ST3GAL3: variants seen among roughly 807,000 people sequenced by gnomAD.
The protein encoded by ST3GAL3 is ST3 beta-galactoside alpha-2,3-sialyltransferase 3, also known as CMP-N-acetylneuraminate-beta-1,4-galactoside alpha-2,3-sialyltransferase.
In ST3GAL3, 21 loss-of-function variants were observed where a neutral mutation model predicts 50.1. That is an observed-to-expected ratio of 0.42 (90% CI 0.30 to 0.60). ST3GAL3 has a LOEUF of 0.60. Ranked by LOEUF, ST3GAL3 falls within the 20% of genes least tolerant of loss-of-function variation. The pLI, the probability that ST3GAL3 is intolerant of heterozygous loss-of-function variation, is 0.19. For missense variants in ST3GAL3, 353 were observed against 489.4 expected (o/e 0.72, Z 2.63); for synonymous variants, 183 against 190.0 (o/e 0.96, Z 0.30).
At chr1:43,740,233 C>T (rs865896505) in intron 2 of ST3GAL3, among the ~76,000 whole-genome samples, 36 of 151,590 alleles carry the variant, frequency 2.4e-4, no homozygotes, top group Middle Eastern at 3.4e-3. Flanking sequence ...TGTGGTGGCG[C>T]GCCCCTGTAG....
chr1:43,710,565 C>T (rs996834531), intron 1 of ST3GAL3, among the ~76,000 whole-genome samples: 3 of 152,176 alleles, frequency 2.0e-5, no homozygotes, highest in Admixed American at 6.5e-5. Context: ...TTATCTGTTG[C>T]GTTAGGCACA....
rs567294317 is a variant in ST3GAL3, at chr1:43,778,745, ACGCCATTCTCCTGCCTCAG to A, written c.119-13355_119-13337del. ...ACTGCAAGCTCCGCCTCCCGGGTTC[ACGCCATTCTCCTGCCTCAG>A]CCTCCCGAGTAGCTGGGACTACAGG... is the stretch of plus-strand genomic sequence containing the variant. On this transcript the variant is annotated intron_variant, in intron 2 of 11. Transcript: ENST00000347631. Among the ~76,000 whole-genome samples, 1,367 of 143,094 alleles carry A rather than the reference ACGCCATTCTCCTGCCTCAG, an allele frequency of 9.6e-3. 25 individuals carry two copies. Among genetic ancestry groups the A allele is most frequent in the African/African-American group, 0.035 (1,331 of 38,308 alleles). 93.9% of individuals were successfully genotyped at this position (143,094 alleles called of 152,430 possible).
chr1:43,875,947 CTTCTTATTATTA>C (rs1460874548), intron 5 of ST3GAL3, among the ~76,000 whole-genome samples: 589 of 57,304 alleles, frequency 0.01, 1 homozygote, highest in South Asian at 0.018. Flanking sequence ...TCTTCTTCTT[CTTCTTATTATTA>C]TTATTATTAT....
intron 2 of ST3GAL3, among the ~76,000 whole-genome samples, chr1:43,752,535 C>T (rs963562711): frequency 6.6e-6 from 1 of 152,090 alleles, no homozygotes; most frequent in African/African-American, 2.4e-5. Context: ...GGGTCTCGCT[C>T]TGTGTCCCAG....
chr1:43,717,861 C>T (rs1218096392), intron 1 of ST3GAL3, among the ~76,000 whole-genome samples: 1 of 151,474 alleles, frequency 6.6e-6, no homozygotes, highest in Non-Finnish European at 1.5e-5. Context: ...AATAATTATA[C>T]CTATCATGAA....
chr1:43,714,659 G>A (rs994598799), intron 1 of ST3GAL3, among the ~76,000 whole-genome samples: 1 of 152,048 alleles, frequency 6.6e-6, no homozygotes, highest in African/African-American at 2.4e-5. Context: ...ATGGCATTTA[G>A]CTATTCCCAA....
chr1:43,923,779 A>C (rs983478472), intron 11 of ST3GAL3, among the ~76,000 whole-genome samples: 12 of 152,014 alleles, frequency 7.9e-5, no homozygotes, highest in African/African-American at 2.9e-4. Context: ...ACACCTGGCT[A>C]ATTTTTTTTA....
intron 5 of ST3GAL3, chr1:43,851,644 A>G (rs763408476): frequency 7.9e-6 from 10 of 1,271,582 alleles, no homozygotes; most frequent in Admixed American, 3.4e-5. Flanking sequence ...AAACCTCAAC[A>G]TCGCTGTCTT....
intron 2 of ST3GAL3, among the ~76,000 whole-genome samples, chr1:43,779,602 C>G (rs1698671390): frequency 6.6e-6 from 1 of 152,182 alleles, no homozygotes; most frequent in South Asian, 2.1e-4. Flanking sequence ...TACCTACTGA[C>G]TTTCTTCAAT....
intron 1 of ST3GAL3, among the ~76,000 whole-genome samples, chr1:43,721,385 A>G (rs1292384600): frequency 1.4e-5 from 2 of 144,610 alleles, no homozygotes; most frequent in Non-Finnish European, 3.0e-5. Context: ...GCTTACTGCA[A>G]CCTCCACCTC....
chr1:43,882,371 G>A (rs925089081), intron 5 of ST3GAL3, among the ~76,000 whole-genome samples: 4 of 152,222 alleles, frequency 2.6e-5, no homozygotes, highest in Non-Finnish European at 4.4e-5. Context: ...TGAGGCTGGA[G>A]AGGTAGACAG....
At chr1:43,873,174 T>C (rs1269547398) in intron 5 of ST3GAL3, among the ~76,000 whole-genome samples, 1 of 152,154 alleles carries the variant, frequency 6.6e-6, no homozygotes, top group Non-Finnish European at 1.5e-5. Context: ...TGGGAGGCTA[T>C]TGTGACCTAC....
chr1:43,879,198 A>G (rs927041924), intron 5 of ST3GAL3: 25 of 446,124 alleles, frequency 5.6e-5, no homozygotes, highest in African/African-American at 4.2e-4. Flanking sequence ...GTCCAGACTC[A>G]GAAAAAGGCT....
At chr1:43,739,510 T>G (rs1414662392) in intron 2 of ST3GAL3, among the ~76,000 whole-genome samples, 1 of 152,180 alleles carries the variant, frequency 6.6e-6, no homozygotes, top group Non-Finnish European at 1.5e-5. Flanking sequence ...CCACTGCACT[T>G]GGCCTGAGGC....
At chr1:43,796,405 A>G (rs185175510) in intron 3 of ST3GAL3, among the ~76,000 whole-genome samples, 2 of 152,358 alleles carry the variant, frequency 1.3e-5, no homozygotes, top group East Asian at 3.9e-4. Context: ...GGACTTCAGG[A>G]TAACCCAAGC....
chr1:43,728,799 TTTA>T (rs1375791009), intron 1 of ST3GAL3, among the ~76,000 whole-genome samples: 1 of 152,118 alleles, frequency 6.6e-6, no homozygotes, highest in Non-Finnish European at 1.5e-5. Flanking sequence ...CCTCACTATA[TTTA>T]TTTTTATGTC....
intron 5 of ST3GAL3, among the ~76,000 whole-genome samples, chr1:43,856,236 G>A (rs1420446526): frequency 1.3e-5 from 2 of 152,236 alleles, no homozygotes; most frequent in African/African-American, 2.4e-5. Context: ...AAGTTTCAGT[G>A]TTTTTACATA....
chr1:43,782,087 C>T (rs1699559447), intron 2 of ST3GAL3, among the ~76,000 whole-genome samples: 1 of 152,198 alleles, frequency 6.6e-6, no homozygotes, highest in South Asian at 2.1e-4. Flanking sequence ...TCTGAAATCG[C>T]CAGTAGCATC....
intron 5 of ST3GAL3, among the ~76,000 whole-genome samples, chr1:43,860,979 C>T (rs554822551): frequency 6.6e-6 from 1 of 152,324 alleles, no homozygotes; most frequent in South Asian, 2.1e-4. Flanking sequence ...AGGGGTACAT[C>T]TTTACCACCT....
Sources: gnomAD v4.1 joint callset for allele counts (sites outside exome capture counted in the v4.1 genomes callset) on GRCh38, gnomAD v4.1.1 for gene constraint, MANE v1.5 for transcripts, NCBI Gene and HGNC (gene_info 2026-07-23, HGNC 2026-07-21) for gene names.